Variants in CEP126 observed in about 807,000 individuals in gnomAD.
CEP126 encodes the protein centrosomal protein of 126 kDa.
Under a neutral mutation model 107.8 loss-of-function variants are expected in CEP126, and 74 were observed. The observed-to-expected ratio is 0.69, with a 90% CI of 0.57 to 0.83. The LOEUF is 0.83. Ranked by LOEUF, CEP126 falls within the 40% of genes least tolerant of loss-of-function variation. The pLI is 0.00. For synonymous variants in CEP126, 449 were observed against 446.0 expected (o/e 1.01, Z -0.08); for missense variants, 1,237 against 1,281.9 (o/e 0.96, Z 0.53).
chr11:101,987,936 T>C (rs553335672), intron 9 of CEP126, among the ~76,000 whole-genome samples: 31 of 150,306 alleles, frequency 2.1e-4, no homozygotes, highest in African/African-American at 7.6e-4. Context: ...TTATCACAAG[T>C]GAAATCCAAG....
intron 2 of CEP126, among the ~76,000 whole-genome samples, chr11:101,932,902 C>A (rs1940523366): frequency 2.0e-5 from 3 of 152,054 alleles, no homozygotes; most frequent in Non-Finnish European, 4.4e-5. Context: ...CTGTTATATA[C>A]CAAACAGATA....
At chr11:101,993,253 CTT>C in intron 10 of CEP126, among the ~76,000 whole-genome samples, 1 of 152,278 alleles carries the variant, frequency 6.6e-6, no homozygotes, top group South Asian at 2.1e-4. Context: ...TTGTTCCCGT[CTT>C]TGTGTTCATG....
rs1207966765 is a variant in CEP126, at chr11:101,999,385, C to G, written c.*1742C>G. 1 of 150,264 alleles carries G rather than the reference C, an allele frequency of 6.7e-6. No homozygotes were observed. Among genetic ancestry groups the G allele is most frequent in the African/African-American group, 2.4e-5 (1 of 40,850 alleles). The allele number at this position is 150,264 out of a possible 1,614,324, so 9.3% of individuals were successfully genotyped here. ...AGCATCCTGCATGCCAAAGTAGCTT[C>G]ACCGTTAGTAATCCCTCACTTTAAT... On this transcript the variant is annotated 3_prime_UTR_variant, in exon 11 of 11. Coordinates refer to ENST00000263468, the MANE Select transcript of CEP126 (RefSeq NM_020802.4).
chr11:101,925,444 T>G (rs530845275), intron 2 of CEP126, among the ~76,000 whole-genome samples: 1 of 151,944 alleles, frequency 6.6e-6, no homozygotes, highest in South Asian at 2.1e-4. Context: ...ATTTTGTTAA[T>G]CTGTTCTACC....
Position 101,915,196 on chromosome 11 carries a change from A to G in CEP126, c.-89A>G. 6.4e-7 allele frequency: 1 copy of G among 1,568,672 alleles called. No homozygotes were observed. Among genetic ancestry groups the G allele is most frequent in the East Asian group, 2.2e-5 (1 of 44,490 alleles). ...ACGCGGGGCCTGAGAGACGGAGTGTAGGGAGGGGCCGAGCAGGAGGAGGAG... is the reference window on the plus strand; with the variant it reads ...ACGCGGGGCCTGAGAGACGGAGTGTGGGGAGGGGCCGAGCAGGAGGAGGAG... On this transcript the variant is annotated 5_prime_UTR_variant, in exon 1 of 11. Transcript: ENST00000263468.
Position 101,972,381 on chromosome 11 carries a change from G to A in CEP126, c.2846-5966G>A, listed in dbSNP as rs566425071. On this transcript the variant is annotated intron_variant, in intron 6 of 10. Transcript: ENST00000263468. ...GCGGAGCTTGTAGTGAGCCGAGATC[G>A]CGCCACTGCACTGCAGCCTGGGGGA... is the stretch of plus-strand genomic sequence containing the variant. Among the ~76,000 whole-genome samples, 25 of 151,976 alleles carry A rather than the reference G, an allele frequency of 1.6e-4. No homozygotes were observed. The East Asian group carries it at 4.9e-3, about 30-fold the overall frequency.
At chr11:101,951,901 T>G (rs1005880277) in intron 4 of CEP126, among the ~76,000 whole-genome samples, 2 of 152,176 alleles carry the variant, frequency 1.3e-5, no homozygotes, top group African/African-American at 4.8e-5. Context: ...CATGTGTACT[T>G]TTGTCCCCAC....
rs1941476448 is a variant in CEP126, at chr11:101,998,996, A to G, written c.*1353A>G. 1 of 152,178 alleles carries G rather than the reference A, an allele frequency of 6.6e-6. No homozygotes were observed. The highest frequency in any genetic ancestry group is 2.4e-5 in the African/African-American group (1 of 41,438). The allele number at this position is 152,178 out of a possible 1,614,324, so 9.4% of individuals were successfully genotyped here. ...ATGAGGAAAAACAGGAAAAGAATTC[A>G]CTTTTTAAATGAAGAAATTAGTGAA... On this transcript the variant is annotated 3_prime_UTR_variant, in exon 11 of 11. Transcript: ENST00000263468.
chr11:101,992,162 ATAAAAAGC>A (rs1012985019), intron 9 of CEP126, among the ~76,000 whole-genome samples: 3 of 127,742 alleles, frequency 2.3e-5, no homozygotes, highest in African/African-American at 5.7e-5. Flanking sequence ...TTAAAAAAAA[ATAAAAAGC>A]AGGGAGCTAC....
At chr11:101,975,500 A>C (rs1211738146) in intron 6 of CEP126, among the ~76,000 whole-genome samples, 2 of 152,238 alleles carry the variant, frequency 1.3e-5, no homozygotes, top group African/African-American at 4.8e-5. Flanking sequence ...GCTGAATCCC[A>C]GCTTTGCCCC....
At chr11:101,956,247 G>A (rs781139069) in intron 4 of CEP126, 6 of 456,294 alleles carry the variant, frequency 1.3e-5, no homozygotes, top group East Asian at 1.4e-4. Context: ...ACCCTTGTTC[G>A]TCGTTCCCTT....
At chr11:101,924,886 T>C (rs182803581) in intron 2 of CEP126, among the ~76,000 whole-genome samples, 1 of 152,350 alleles carries the variant, frequency 6.6e-6, no homozygotes, top group African/African-American at 2.4e-5. Context: ...CAAGTTCTCT[T>C]TATTTTCATT....
intron 6 of CEP126, among the ~76,000 whole-genome samples, chr11:101,971,841 G>A (rs1941132684): frequency 6.6e-6 from 1 of 152,224 alleles, no homozygotes; most frequent in Non-Finnish European, 1.5e-5. Context: ...AGGTGCCGTG[G>A]CTCACGCCTG....
intron 6 of CEP126, among the ~76,000 whole-genome samples, chr11:101,970,266 A>G (rs1205780847): frequency 2.6e-5 from 4 of 152,208 alleles, no homozygotes; most frequent in East Asian, 1.9e-4. Flanking sequence ...AAATACTATA[A>G]TATAAATGAG....
intron 2 of CEP126, among the ~76,000 whole-genome samples, chr11:101,936,111 G>T (rs1285407360): frequency 6.6e-6 from 1 of 152,086 alleles, no homozygotes; most frequent in African/African-American, 2.4e-5. Flanking sequence ...AGAGAGACTT[G>T]ATAACAATTC....
rs924562498 is a variant in CEP126 at position 101,971,388 on chromosome 11, TTA to T, written c.2846-6958_2846-6957del. On this transcript the variant is annotated intron_variant, in intron 6 of 10. Transcript: ENST00000263468. ...GGATGGCACAGAGTATCAAAGGAAG[TTA>T]CTAATGAAATCGAGGCTGGAAGCAA... Among the ~76,000 whole-genome samples the T allele has an allele frequency of 1.1e-4, 17 of 152,204 alleles. No homozygotes were observed. The East Asian group carries it at 2.5e-3, about 22-fold the overall frequency.
In CEP126 at chr11:101,963,748, T is replaced by C; in HGVS notation, c.2713T>C (p.Leu905=). Reference sequence around the variant, plus strand: ...AGCAGTTGCCCGGCAAGATGCGACATTATATTGCACCCAAAGAAGTCCTGT... The same window carrying C: ...AGCAGTTGCCCGGCAAGATGCGACACTATATTGCACCCAAAGAAGTCCTGT... ...TQAVARQDAT[L]YCTQRSPVCE... is the part of the protein sequence containing the mutation. The change falls in exon 6 of 11, where the codon TTA becomes CTA. Residue 905 remains leucine (L), a synonymous_variant. Transcript: ENST00000263468. 1 of 1,614,070 alleles carries C rather than the reference T, an allele frequency of 6.2e-7. No homozygotes were observed. Among genetic ancestry groups the C allele is most frequent in the Non-Finnish European group, 8.5e-7 (1 of 1,180,000 alleles).
intron 1 of CEP126, 45 bp downstream of exon 1, chr11:101,915,457 C>T (rs913238210): frequency 2.3e-5 from 36 of 1,571,760 alleles, no homozygotes; most frequent in Non-Finnish European, 2.7e-5. Context: ...ATGTTGAAAA[C>T]GGGGCCCATC....
intron 4 of CEP126, among the ~76,000 whole-genome samples, chr11:101,950,468 A>G (rs1940795969): frequency 6.6e-6 from 1 of 152,240 alleles, no homozygotes; most frequent in Admixed American, 6.5e-5. Context: ...TGGGTTACAC[A>G]TGTGAATGAG....
Sources: allele counts gnomAD v4.1 joint callset (sites outside exome capture counted in the v4.1 genomes callset), GRCh38; gene constraint gnomAD v4.1.1; transcripts MANE v1.5; gene names NCBI Gene and HGNC (gene_info 2026-07-23, HGNC 2026-07-21).